Variants in VAT1L observed in about 807,000 individuals in gnomAD.
VAT1L encodes putative NADPH-dependent quinone oxidoreductase VAT1L.
A neutral mutation model predicts 44.1 loss-of-function variants in VAT1L; 34 were observed. The observed-to-expected ratio is 0.77, with a 90% CI of 0.59 to 1.03. VAT1L has a LOEUF of 1.03. Among genes scored for constraint, VAT1L ranks in the 50% least tolerant of loss-of-function variants. VAT1L has a pLI of 0.00. For missense variants in VAT1L, 615 were observed against 538.8 expected (o/e 1.14, Z -1.40); for synonymous variants, 253 against 202.2 (o/e 1.25, Z -2.13).
At chr16:77,902,398 A>C (rs1338653423) in intron 7 of VAT1L, among the ~76,000 whole-genome samples, 1 of 152,220 alleles carries the variant, frequency 6.6e-6, no homozygotes, top group Non-Finnish European at 1.5e-5. Flanking sequence ...CATTTGATGA[A>C]ATTCAGCAGC....
At chr16:77,852,831 A>G (rs2016820745) in intron 3 of VAT1L, among the ~76,000 whole-genome samples, 1 of 152,142 alleles carries the variant, frequency 6.6e-6, no homozygotes, top group Non-Finnish European at 1.5e-5. Flanking sequence ...TCTCCCTGGT[A>G]TTACTGTGTG....
chr16:77,806,271 A>G (rs1009225337), intron 1 of VAT1L, among the ~76,000 whole-genome samples: 7 of 151,466 alleles, frequency 4.6e-5, no homozygotes, highest in South Asian at 2.1e-4. Context: ...GTGCAGTGGC[A>G]AGATCTCGGC....
intron 7 of VAT1L, among the ~76,000 whole-genome samples, chr16:77,962,698 C>T (rs1195480269): frequency 2.2e-5 from 3 of 136,584 alleles, no homozygotes; most frequent in South Asian, 4.7e-4. Flanking sequence ...GCCTGCACAA[C>T]ATAGCAAGAC....
chr16:77,966,559 AAC>A (rs2018224827), intron 7 of VAT1L, among the ~76,000 whole-genome samples: 1 of 152,336 alleles, frequency 6.6e-6, no homozygotes, highest in African/African-American at 2.4e-5. Context: ...CAGAAAAGGC[AAC>A]AGTTACCAGC....
intron 2 of VAT1L, among the ~76,000 whole-genome samples, chr16:77,824,289 C>T (rs1478980732): frequency 6.6e-6 from 1 of 152,098 alleles, no homozygotes; most frequent in Non-Finnish European, 1.5e-5. Context: ...AATGGGTTCT[C>T]AACTAACCAA....
intron 7 of VAT1L, among the ~76,000 whole-genome samples, chr16:77,916,623 C>T (rs150020298): frequency 5.3e-5 from 8 of 152,094 alleles, no homozygotes; most frequent in East Asian, 1.9e-4. Flanking sequence ...TTGTTCTGAG[C>T]GTTAAAAATA....
intron 7 of VAT1L, among the ~76,000 whole-genome samples, chr16:77,885,721 A>G (rs1376019963): frequency 6.6e-6 from 1 of 152,136 alleles, no homozygotes; most frequent in Non-Finnish European, 1.5e-5. Flanking sequence ...AGTCACAAAT[A>G]CTTTTTAAAA....
intron 7 of VAT1L, among the ~76,000 whole-genome samples, chr16:77,903,593 G>A (rs1237245444): frequency 6.6e-6 from 1 of 152,238 alleles, no homozygotes; most frequent in East Asian, 1.9e-4. Flanking sequence ...GAGAAATTGG[G>A]TACAACCACC....
At chr16:77,942,435 T>A (rs1014551036) in intron 7 of VAT1L, among the ~76,000 whole-genome samples, 2 of 146,214 alleles carry the variant, frequency 1.4e-5, no homozygotes, top group African/African-American at 5.1e-5. Flanking sequence ...ATCAGTGATG[T>A]TGAGCTTTTT....
chr16:77,890,953 A>G (rs367585531), intron 7 of VAT1L, among the ~76,000 whole-genome samples: 1 of 150,212 alleles, frequency 6.7e-6, no homozygotes, highest in Non-Finnish European at 1.5e-5. Context: ...TATCTTTACT[A>G]TTTTACATGA....
chr16:77,854,466 T>C (rs1435812258), intron 3 of VAT1L, among the ~76,000 whole-genome samples: 2 of 152,208 alleles, frequency 1.3e-5, no homozygotes, highest in African/African-American at 4.8e-5. Flanking sequence ...GTCACTGAAT[T>C]GTTGAGCAGA....
intron 1 of VAT1L, chr16:77,801,231 T>C (rs1220325246): frequency 1.3e-5 from 2 of 152,098 alleles, no homozygotes; most frequent in African/African-American, 4.8e-5. Context: ...TGAAAAAGCA[T>C]GATGAAGAAA....
intron 1 of VAT1L, among the ~76,000 whole-genome samples, chr16:77,795,919 A>C (rs1397217602): frequency 6.9e-6 from 1 of 144,784 alleles, no homozygotes; most frequent in Non-Finnish European, 1.5e-5. Context: ...TCCACCTACC[A>C]AGTTCAAGCG....
chr16:77,834,073 C>T (rs1246659790), intron 3 of VAT1L, among the ~76,000 whole-genome samples: 2 of 152,212 alleles, frequency 1.3e-5, no homozygotes, highest in African/African-American at 4.8e-5. Flanking sequence ...TCCACACATA[C>T]CAATCTGTTC....
At chr16:77,961,326 T>C (rs1230693832) in intron 7 of VAT1L, among the ~76,000 whole-genome samples, 2 of 152,080 alleles carry the variant, frequency 1.3e-5, no homozygotes, top group Non-Finnish European at 2.9e-5. Flanking sequence ...CCTCTCTAAA[T>C]CACCATGAAC....
chr16:77,802,229 T>C (rs997089606), intron 1 of VAT1L, among the ~76,000 whole-genome samples: 4 of 152,226 alleles, frequency 2.6e-5, no homozygotes, highest in Non-Finnish European at 5.9e-5. Context: ...TTTCCTTTTG[T>C]ATCCTTAAGA....
At chr16:77,803,694 C>T (rs1279476853) in intron 1 of VAT1L, among the ~76,000 whole-genome samples, 2 of 152,170 alleles carry the variant, frequency 1.3e-5, no homozygotes, top group African/African-American at 4.8e-5. Context: ...GCTGGGATTA[C>T]AGGCGTGAAC....
At chr16:77,809,696 T>C (rs2016231443) in intron 1 of VAT1L, among the ~76,000 whole-genome samples, 1 of 152,268 alleles carries the variant, frequency 6.6e-6, no homozygotes, top group Admixed American at 6.5e-5. Context: ...GGAGGGGATC[T>C]ACTGCCATTG....
intron 7 of VAT1L, among the ~76,000 whole-genome samples, chr16:77,902,972 G>GAAAAAAAAAAAAAAAAAA (rs11307214): frequency 4.1e-5 from 4 of 96,386 alleles, no homozygotes; most frequent in Non-Finnish European, 8.1e-5. Context: ...GACTCTGTCT[G>GAAAAAAAAAAAAAAAAAA]AAAAAAAAAA....
Sources: allele counts gnomAD v4.1 joint callset (sites outside exome capture counted in the v4.1 genomes callset), GRCh38; gene constraint gnomAD v4.1.1; transcripts MANE v1.5; gene names NCBI Gene and HGNC (gene_info 2026-07-23, HGNC 2026-07-21).